Variants in BEND7 observed in about 807,000 individuals in gnomAD.
The protein encoded by BEND7 is BEN domain containing 7.
A neutral mutation model predicts 50.9 loss-of-function variants in BEND7; 28 were observed. That is an observed-to-expected ratio of 0.55 (90% CI 0.41 to 0.75). BEND7 has a LOEUF of 0.75. Ranked by LOEUF, BEND7 falls within the 30% of genes least tolerant of loss-of-function variation. The pLI, the probability that BEND7 is intolerant of heterozygous loss-of-function variation, is 0.00. For missense variants in BEND7, 477 were observed against 491.3 expected, an observed-to-expected ratio of 0.97 and a Z score of 0.28; for synonymous variants, 170 against 183.9, an observed-to-expected ratio of 0.92 and a Z score of 0.61.
chr10:13,467,318 G>C (rs904432775), intron 6 of BEND7, among the ~76,000 whole-genome samples: 1 of 152,170 alleles, frequency 6.6e-6, no homozygotes, highest in Non-Finnish European at 1.5e-5. Context: ...AAGTCTTCAG[G>C]TAGGAAAACT....
chr10:13,440,792 C>T (rs117721666), downstream of BEND7, among the ~76,000 whole-genome samples: 3,532 of 152,336 alleles, frequency 0.023, 77 homozygotes, highest in East Asian at 0.057. Context: ...TATAAAGCTA[C>T]CTAATTCATT....
intron 7 of BEND7, among the ~76,000 whole-genome samples, chr10:13,449,108 CTG>C (rs1285995270): frequency 1.3e-5 from 2 of 151,736 alleles, no homozygotes; most frequent in African/African-American, 4.8e-5. Flanking sequence ...GAAATGTTAA[CTG>C]TGTTTCCCTC....
intron 6 of BEND7, among the ~76,000 whole-genome samples, chr10:13,453,941 A>G (rs1038391869): frequency 1.3e-5 from 2 of 152,254 alleles, no homozygotes; most frequent in Non-Finnish European, 2.9e-5. Flanking sequence ...TGAAAGAGAA[A>G]AGCGGCTATA....
At chr10:13,503,443 T>TGG (rs2132292124) in intron 2 of BEND7, among the ~76,000 whole-genome samples, 1 of 152,312 alleles carries the variant, frequency 6.6e-6, no homozygotes, top group South Asian at 2.1e-4. Context: ...GATGGCACAG[T>TGG]GGCTCACACC....
intron 1 of BEND7, among the ~76,000 whole-genome samples, chr10:13,527,336 A>G (rs943873179): frequency 2.6e-5 from 4 of 152,268 alleles, no homozygotes; most frequent in Admixed American, 1.3e-4. Flanking sequence ...GGAGGCAGAT[A>G]AGAATGGATC....
At chr10:13,525,199 C>T (rs539963216) in intron 2 of BEND7, among the ~76,000 whole-genome samples, 4 of 152,330 alleles carry the variant, frequency 2.6e-5, no homozygotes, top group South Asian at 2.1e-4. Flanking sequence ...TGAGGCCCAA[C>T]GCCACCATCT....
chr10:13,442,600 A>G (rs1199972874), intron 8 of BEND7: 1 of 152,234 alleles, frequency 6.6e-6, no homozygotes, highest in African/African-American at 2.4e-5. Context: ...ATGACATAAT[A>G]TTAAGTACAT....
intron 7 of BEND7, among the ~76,000 whole-genome samples, chr10:13,449,359 AC>A (rs1837184552): frequency 6.6e-6 from 1 of 152,178 alleles, no homozygotes; most frequent in South Asian, 2.1e-4. Context: ...CTCACGGGGC[AC>A]TTGACATGCA....
intron 6 of BEND7, chr10:13,480,504 TTTTAC>T (rs1417779107): frequency 1.9e-6 from 1 of 537,218 alleles, no homozygotes; most frequent in Non-Finnish European, 2.4e-6. Flanking sequence ...GAGAGAACCA[TTTTAC>T]TTTATCTTTT....
chr10:13,463,993 T>C (rs2073975953), intron 6 of BEND7, among the ~76,000 whole-genome samples: 1 of 152,220 alleles, frequency 6.6e-6, no homozygotes, highest in Admixed American at 6.5e-5. Context: ...TTGAGAACCA[T>C]CAGACTGGTG....
rs772466638 is a variant in BEND7 at position 13,499,768 on chromosome 10, A to G, written c.448+10T>C. The G allele has an allele frequency of 6.3e-6, 10 of 1,587,048 alleles. No individual in the cohort carries two copies. In the Admixed American group the frequency reaches 1.6e-4, roughly 25 times the overall value. On this transcript the variant is annotated intron_variant, in intron 3 of 8. Transcript: ENST00000466271. ...ATGAGAGCCTTCTGAATGTTTGTTG[A>G]CAACCATACCATTGGAGCTCGTGGT... is the stretch of plus-strand genomic sequence containing the variant.
intron 6 of BEND7, among the ~76,000 whole-genome samples, chr10:13,462,280 G>A (rs1483635342): frequency 1.3e-5 from 2 of 152,204 alleles, no homozygotes; most frequent in African/African-American, 4.8e-5. Context: ...GGCTGGGGAG[G>A]CCTCACAATC....
chr10:13,462,825 A>C (rs1306423221), intron 6 of BEND7, among the ~76,000 whole-genome samples: 1 of 152,204 alleles, frequency 6.6e-6, no homozygotes, highest in African/African-American at 2.4e-5. Flanking sequence ...CAAGTATATT[A>C]AGAAAAATAA....
chr10:13,452,919 C>T (rs181350070), intron 6 of BEND7, among the ~76,000 whole-genome samples: 1 of 152,270 alleles, frequency 6.6e-6, no homozygotes, highest in Non-Finnish European at 1.5e-5. Flanking sequence ...TTTCTACTGG[C>T]TCCACATCCA....
chr10:13,486,414 G>A (rs2076227833), intron 5 of BEND7, among the ~76,000 whole-genome samples: 1 of 152,212 alleles, frequency 6.6e-6, no homozygotes, highest in Non-Finnish European at 1.5e-5. Context: ...TCACCAGCAT[G>A]GCTGTTCCTG....
At chr10:13,523,269 C>T (rs1589079099) in intron 2 of BEND7, among the ~76,000 whole-genome samples, 3 of 152,184 alleles carry the variant, frequency 2.0e-5, no homozygotes, top group Admixed American at 2.0e-4. Flanking sequence ...GGTAAAGTAA[C>T]GTCTTCTGAC....
chr10:13,478,498 T>C (rs1016559127), intron 6 of BEND7, among the ~76,000 whole-genome samples: 8 of 152,200 alleles, frequency 5.3e-5, no homozygotes, highest in African/African-American at 1.4e-4. Context: ...ATAAGTCAGG[T>C]AGAAATGTTG....
intron 2 of BEND7, among the ~76,000 whole-genome samples, chr10:13,509,752 T>C (rs1386669232): frequency 6.6e-6 from 1 of 152,092 alleles, no homozygotes; most frequent in Non-Finnish European, 1.5e-5. Context: ...AAGTGGGCAA[T>C]GGCGAATCAG....
intron 6 of BEND7, among the ~76,000 whole-genome samples, chr10:13,477,753 A>G (rs1180250093): frequency 6.6e-6 from 1 of 152,240 alleles, no homozygotes; most frequent in African/African-American, 2.4e-5. Flanking sequence ...GAGTTATTCA[A>G]GAAGATGTGA....
Sources: gnomAD v4.1 joint callset for allele counts (sites outside exome capture counted in the v4.1 genomes callset) on GRCh38, gnomAD v4.1.1 for gene constraint, MANE v1.5 for transcripts, NCBI Gene and HGNC (gene_info 2026-07-23, HGNC 2026-07-21) for gene names.